The following ZC3H12B variants were observed in gnomAD, a reference collection of about 807,000 sequenced individuals.
ZC3H12B encodes zinc finger CCCH-type containing 12B.
Under a neutral mutation model 43.9 loss-of-function variants are expected in ZC3H12B, and 7 were observed. The ratio of observed to expected loss-of-function variants is 0.16; its 90% CI spans 0.09 to 0.30. ZC3H12B has a LOEUF of 0.30. Among genes scored for constraint, ZC3H12B ranks in the 10% least tolerant of loss-of-function variants. ZC3H12B has a pLI of 1.00. For missense variants in ZC3H12B, 475 were observed against 670.2 expected (o/e 0.71, Z 3.22); for synonymous variants, 222 against 241.7 (o/e 0.92, Z 0.76).
intron 3 of ZC3H12B, among the ~76,000 whole-genome samples, chrX:65,443,890 G>A (rs760836219): frequency 1.1e-4 from 12 of 112,551 alleles, no homozygotes; most frequent in Non-Finnish European, 1.9e-4. Flanking sequence ...TAATCTATGT[G>A]TGTTCTTACA....
At chrX:65,357,666 C>T in the ZC3H12B span, 4 of 112,454 alleles carry the variant, frequency 3.6e-5, no homozygotes, top group Non-Finnish European at 7.5e-5. Flanking sequence ...ACCACCAGGC[C>T]TGCCTTGCAA....
chrX:65,240,164 A>G, the ZC3H12B span, among the ~76,000 whole-genome samples: 23 of 111,845 alleles, frequency 2.1e-4, no homozygotes, highest in African/African-American at 7.1e-4. Context: ...ATCCTGTAGT[A>G]TGATTTCCAA....
chrX:65,345,119 A>G, the ZC3H12B span, among the ~76,000 whole-genome samples: 2 of 112,533 alleles, frequency 1.8e-5, no homozygotes, highest in African/African-American at 6.5e-5. Context: ...TAGTTCAACC[A>G]TTGTGGAAAG....
At chrX:65,389,897 T>C (rs1326236205) in intron 2 of ZC3H12B, among the ~76,000 whole-genome samples, 2 of 112,243 alleles carry the variant, frequency 1.8e-5, no homozygotes, top group African/African-American at 6.5e-5. Flanking sequence ...CCCAGCCATC[T>C]CATTACTGGG....
At chrX:65,180,344 GGAACATATCTCAA>G in the ZC3H12B span, among the ~76,000 whole-genome samples, 1 of 111,800 alleles carries the variant, frequency 8.9e-6, no homozygotes. Flanking sequence ...AGGTATTGAT[GGAACATATCTCAA>G]AATAATAAGA....
intron 4 of ZC3H12B, 44 bp downstream of exon 9, chrX:65,500,033 A>G (rs199942093): frequency 1.6e-5 from 16 of 998,539 alleles, no homozygotes; most frequent in Non-Finnish European, 2.2e-5. Flanking sequence ...CACCGGAAAC[A>G]TAAGGATTCT....
chrX:65,188,197 T>C, the ZC3H12B span, among the ~76,000 whole-genome samples: 3 of 111,320 alleles, frequency 2.7e-5, no homozygotes, highest in Non-Finnish European at 3.8e-5. Flanking sequence ...TTTTTAAAAA[T>C]CTATTCATCT....
chrX:65,403,510 C>G (rs1421679065), intron 3 of ZC3H12B, among the ~76,000 whole-genome samples: 1 of 111,627 alleles, frequency 9.0e-6, no homozygotes, highest in Non-Finnish European at 1.9e-5. Context: ...AACTCAAAGA[C>G]TACCTCAAGG....
At chrX:65,079,928 C>G in the ZC3H12B span, among the ~76,000 whole-genome samples, 3 of 111,003 alleles carry the variant, frequency 2.7e-5, no homozygotes, top group African/African-American at 9.8e-5. Context: ...ATCTTCCAGA[C>G]AGAGAATTCA....
At chrX:65,212,323 T>G in the ZC3H12B span, among the ~76,000 whole-genome samples, 1 of 23,347 alleles carries the variant, frequency 4.3e-5, no homozygotes, top group East Asian at 1.4e-3. Flanking sequence ...TTATTATATT[T>G]ATATTATATA....
chrX:65,254,654 T>A, the ZC3H12B span, among the ~76,000 whole-genome samples: 1 of 112,157 alleles, frequency 8.9e-6, no homozygotes, highest in Non-Finnish European at 1.9e-5. Flanking sequence ...AGCCAGAGTA[T>A]CTTCACACTT....
chrX:65,135,218 C>T, the ZC3H12B span, among the ~76,000 whole-genome samples: 1 of 111,311 alleles, frequency 9.0e-6, no homozygotes, highest in African/African-American at 3.3e-5. Context: ...CACATTTATA[C>T]TTTTCTTCCC....
At chrX:65,156,224 C>A in the ZC3H12B span, among the ~76,000 whole-genome samples, 7 of 110,870 alleles carry the variant, frequency 6.3e-5, no homozygotes, top group Non-Finnish European at 1.3e-4. Context: ...CAGGGTCTTG[C>A]TGTGTCACCC....
chrX:65,458,179 C>A (rs1291314033), intron 3 of ZC3H12B, among the ~76,000 whole-genome samples: 27 of 107,361 alleles, frequency 2.5e-4, no homozygotes, highest in Non-Finnish European at 4.8e-4. Context: ...TATATATGCA[C>A]CCAATACTGG....
the ZC3H12B span, among the ~76,000 whole-genome samples, chrX:65,132,119 GA>G: frequency 1.8e-5 from 2 of 110,917 alleles, no homozygotes; most frequent in Non-Finnish European, 3.8e-5. Context: ...GGGGAATAGT[GA>G]AAAAAGCATC....
chrX:65,409,155 A>T (rs757346696), intron 3 of ZC3H12B, among the ~76,000 whole-genome samples: 1 of 111,533 alleles, frequency 9.0e-6, no homozygotes, highest in East Asian at 2.8e-4. Context: ...TTATTCTGTC[A>T]AGAAATAAAA....
chrX:65,233,605 T>C, the ZC3H12B span, among the ~76,000 whole-genome samples: 1 of 109,536 alleles, frequency 9.1e-6, no homozygotes, highest in Non-Finnish European at 1.9e-5. Flanking sequence ...AAAGCAGTAC[T>C]AAGACGGACA....
the ZC3H12B span, among the ~76,000 whole-genome samples, chrX:65,117,473 A>T: frequency 8.9e-6 from 1 of 111,813 alleles, no homozygotes; most frequent in Non-Finnish European, 1.9e-5. Flanking sequence ...CCTTTGTCAG[A>T]TGGGTAGATT....
chrX:65,161,121 A>C, the ZC3H12B span, among the ~76,000 whole-genome samples: 1 of 111,455 alleles, frequency 9.0e-6, no homozygotes, highest in South Asian at 3.8e-4. Context: ...CTGTGGTCTG[A>C]GAGACACTTT....
Sources: allele counts gnomAD v4.1 joint callset (sites outside exome capture counted in the v4.1 genomes callset), GRCh38; gene constraint gnomAD v4.1.1; transcripts MANE v1.5; gene names NCBI Gene and HGNC (gene_info 2026-07-23, HGNC 2026-07-21).